Variants in DLGAP1 observed in about 807,000 individuals in gnomAD.
The protein encoded by DLGAP1 is disks large-associated protein 1.
A neutral mutation model predicts 90.8 loss-of-function variants in DLGAP1; 11 were observed. The ratio of observed to expected loss-of-function variants is 0.12; its 90% CI spans 0.08 to 0.20. The LOEUF (loss-of-function observed/expected upper bound fraction) is 0.20, where lower values mean the gene tolerates loss of function less well. DLGAP1 is among the 10% of genes least tolerant of loss of function. The pLI is 1.00. For synonymous variants in DLGAP1, 558 were observed against 540.7 expected (o/e 1.03, Z -0.44); for missense variants, 1,050 against 1,333.8 (o/e 0.79, Z 3.31).
At position 3,727,346 on chromosome 18, in the gene DLGAP1, A is replaced by T. The variant is rs1214392700; in HGVS notation, c.1591+1789T>A. Among the ~76,000 whole-genome samples the T allele has an allele frequency of 1.3e-5, 2 of 152,100 alleles. No individual in the cohort carries two copies. The highest frequency in any genetic ancestry group is 2.9e-5 in the Non-Finnish European group (2 of 68,028). ...GTAAGTAAAATGACAAAAACACGCAAATCTGACAGGTGAGAAGAGAAAAAC... is the reference window on the plus strand; with the variant it reads ...GTAAGTAAAATGACAAAAACACGCATATCTGACAGGTGAGAAGAGAAAAAC... On this transcript the variant is annotated intron_variant, in intron 7 of 12. Coordinates refer to ENST00000315677, the MANE Select transcript of DLGAP1 (RefSeq NM_004746.4). The surrounding 1 kb of genome is among the most constrained non-coding windows in gnomAD (Gnocchi z 4.7).
intron 1 of DLGAP1, among the ~76,000 whole-genome samples, chr18:4,223,280 G>T (rs73942721): frequency 0.01 from 1,591 of 152,170 alleles, 32 homozygotes; most frequent in African/African-American, 0.036. Flanking sequence ...ACATGTTTAT[G>T]CAGGAATAAA....
chr18:3,974,212 T>C (rs4798153), intron 3 of DLGAP1, among the ~76,000 whole-genome samples: 59,817 of 151,694 alleles, frequency 0.39, 11,983 homozygotes, highest in Non-Finnish European at 0.42. Flanking sequence ...GTAGCTGGGA[T>C]CACAGGTGCC....
intron 7 of DLGAP1, chr18:3,655,840 C>T (rs752694804): frequency 2.3e-4 from 107 of 457,970 alleles, no homozygotes; most frequent in Non-Finnish European, 3.7e-4. Context: ...GAGGCAGTCA[C>T]ATCAGGAGAC....
At chr18:4,429,768 GA>G (rs200135655) in intron 1 of DLGAP1, among the ~76,000 whole-genome samples, 2 of 149,644 alleles carry the variant, frequency 1.3e-5, no homozygotes, top group East Asian at 3.9e-4. Flanking sequence ...GTTGATAATA[GA>G]AAAAAAAAGC....
At chr18:4,361,654 C>T (rs778016552) in intron 1 of DLGAP1, among the ~76,000 whole-genome samples, 21 of 152,078 alleles carry the variant, frequency 1.4e-4, no homozygotes, top group Non-Finnish European at 2.1e-4. Context: ...AAACCCTTAA[C>T]GATAAAACAA....
intron 7 of DLGAP1, among the ~76,000 whole-genome samples, chr18:3,695,106 A>T (rs535016960): frequency 1.3e-5 from 2 of 151,364 alleles, no homozygotes; most frequent in Admixed American, 1.3e-4. Context: ...TGCCCGGCTA[A>T]TTTTTTTCTG....
chr18:3,900,905 A>T (rs181231492), intron 3 of DLGAP1, among the ~76,000 whole-genome samples: 21 of 152,190 alleles, frequency 1.4e-4, no homozygotes, highest in Middle Eastern at 3.4e-3. Flanking sequence ...CGCCTCTCCC[A>T]TCTCCCCCTC....
chr18:3,847,443 CAAGAGT>C (rs1475177135), intron 4 of DLGAP1, among the ~76,000 whole-genome samples: 16 of 151,420 alleles, frequency 1.1e-4, no homozygotes. Context: ...TCCAAATCTG[CAAGAGT>C]AAGAGCACCA....
chr18:3,602,046 T>A (rs1173370511), intron 7 of DLGAP1, among the ~76,000 whole-genome samples: 2 of 151,650 alleles, frequency 1.3e-5, no homozygotes, highest in Non-Finnish European at 2.9e-5. Context: ...ACATATGATT[T>A]ACCTTGGCCC....
intron 7 of DLGAP1, among the ~76,000 whole-genome samples, chr18:3,670,969 C>T (rs955946889): frequency 1.3e-5 from 2 of 152,208 alleles, no homozygotes; most frequent in African/African-American, 2.4e-5. Context: ...CACTGCTCTT[C>T]GCAAAACTGT....
rs1022156465 is a variant in DLGAP1 at position 4,408,154 on chromosome 18, C to T, written c.-267+46852G>A. ...ACTTTACAGAGAGGAGAAAGGGAGG[C>T]GAGTCAGGAAAGGCTCCAAAGAAAA... is the stretch of plus-strand genomic sequence containing the variant. On this transcript the variant is annotated intron_variant, in intron 1 of 12. Coordinates refer to ENST00000315677, the MANE Select transcript of DLGAP1 (RefSeq NM_004746.4). Among the ~76,000 whole-genome samples the T allele has an allele frequency of 2.6e-4, 40 of 152,058 alleles. 1 individual carries two copies. Among genetic ancestry groups the T allele is most frequent in the African/African-American group, 8.9e-4 (37 of 41,454 alleles).
intron 1 of DLGAP1, among the ~76,000 whole-genome samples, chr18:4,359,579 T>C (rs569737892): frequency 3.0e-4 from 46 of 152,356 alleles, no homozygotes; most frequent in African/African-American, 9.9e-4. Context: ...TAAATAAATA[T>C]GTATGCTTTT....
intron 7 of DLGAP1, among the ~76,000 whole-genome samples, chr18:3,624,955 G>T (rs2146085296): frequency 6.6e-6 from 1 of 152,184 alleles, no homozygotes; most frequent in African/African-American, 2.4e-5. Context: ...GATGCTCCCA[G>T]AAGCAAAGTC....
At chr18:3,787,806 C>G (rs1467674040) in intron 5 of DLGAP1, among the ~76,000 whole-genome samples, 1 of 152,118 alleles carries the variant, frequency 6.6e-6, no homozygotes, top group Non-Finnish European at 1.5e-5. Flanking sequence ...CTCTCAAGGT[C>G]TCTCTGACCC....
At position 4,378,647 on chromosome 18, in the gene DLGAP1, G is replaced by C. The variant is rs997619505; in HGVS notation, c.-267+76359C>G. Reference sequence around the variant, plus strand: ...CACTACACAATTTGAAAGCACCTAAGGTGCTCCGTACCTAATATGTACTCC... The same window carrying C: ...CACTACACAATTTGAAAGCACCTAACGTGCTCCGTACCTAATATGTACTCC... On this transcript the variant is annotated intron_variant, in intron 1 of 12. Coordinates refer to ENST00000315677, the MANE Select transcript of DLGAP1 (RefSeq NM_004746.4). The surrounding 1 kb of genome is among the most constrained non-coding windows in gnomAD (Gnocchi z 4.5). 2.0e-5 allele frequency among the ~76,000 whole-genome samples: 3 copies of C among 152,126 alleles called. No individual in the cohort carries two copies. The highest frequency in any genetic ancestry group is 6.5e-5 in the Admixed American group (1 of 15,268).
intron 7 of DLGAP1, among the ~76,000 whole-genome samples, chr18:3,624,354 G>A (rs2058214762): frequency 6.6e-6 from 1 of 152,232 alleles, no homozygotes; most frequent in Non-Finnish European, 1.5e-5. Context: ...CTGTCGCCCT[G>A]GGCCGCTGTC....
At chr18:3,875,767 C>T (rs577794633) in intron 4 of DLGAP1, among the ~76,000 whole-genome samples, 1 of 152,112 alleles carries the variant, frequency 6.6e-6, no homozygotes, top group Non-Finnish European at 1.5e-5. Flanking sequence ...TACTCTGACA[C>T]ATGTAATTTA....
At chr18:4,013,384 T>TTAG (rs1215171436) in intron 2 of DLGAP1, among the ~76,000 whole-genome samples, 1 of 152,172 alleles carries the variant, frequency 6.6e-6, no homozygotes, top group African/African-American at 2.4e-5. Flanking sequence ...GTCCACACAG[T>TTAG]TAGTAAGTGA....
intron 8 of DLGAP1, among the ~76,000 whole-genome samples, chr18:3,575,583 A>C (rs920289811): frequency 3.3e-5 from 5 of 152,276 alleles, no homozygotes; most frequent in African/African-American, 1.2e-4. Context: ...ACGAGGTGGG[A>C]GTGGGAAAGA....
Sources: allele counts gnomAD v4.1 joint callset (sites outside exome capture counted in the v4.1 genomes callset), GRCh38; gene constraint gnomAD v4.1.1; non-coding constraint Gnocchi (gnomAD v3.1); transcripts MANE v1.5; gene names NCBI Gene and HGNC (gene_info 2026-07-23, HGNC 2026-07-21).